The following SLCO5A1 variants were observed in gnomAD, a reference collection of about 807,000 sequenced individuals.
SLCO5A1 encodes the protein organic anion transporter polypeptide-related protein 4.
SLCO5A1 carries 39 observed loss-of-function variants against 65.1 expected under a neutral mutation model. That is an observed-to-expected ratio of 0.60 (90% CI 0.46 to 0.78). The LOEUF (loss-of-function observed/expected upper bound fraction) is 0.78, where lower values mean the gene tolerates loss of function less well. Among genes scored for constraint, SLCO5A1 ranks in the 30% least tolerant of loss-of-function variants. SLCO5A1 has a pLI of 0.00. For synonymous variants in SLCO5A1, 438 were observed against 415.7 expected (o/e 1.05, Z -0.65); for missense variants, 1,029 against 1,069.4 (o/e 0.96, Z 0.53).
At position 69,832,047 on chromosome 8, in the gene SLCO5A1, T is replaced by A. The variant is rs563451398; in HGVS notation, c.627A>T (p.Ala209=). Residue 209 remains alanine, a synonymous_variant, in exon 2 of 10, where the codon GCA becomes GCT. Transcript: ENST00000260126. The surrounding 1 kb of genome is among the most constrained non-coding windows in gnomAD (Gnocchi z 4.5). ...TGAAGTGAGGTAAGGCGAAGAGGGC[T>A]GCCCCGAAGGCGATGAGGAGTCCAC... ...AVGGLLIAFG[A]ALFALPHFIS... 1.2e-6 allele frequency: 2 copies of A among 1,612,262 alleles called. No homozygotes were observed. The highest frequency in any genetic ancestry group is 1.7e-5 in the Admixed American group (1 of 59,834).
At chr8:69,716,857 G>A (rs866196264) in intron 5 of SLCO5A1, among the ~76,000 whole-genome samples, 1 of 150,274 alleles carries the variant, frequency 6.7e-6, no homozygotes. Context: ...ATGGCTCACT[G>A]TAGTCGCAAT....
At chr8:69,723,515 T>C (rs1162730638) in intron 5 of SLCO5A1, among the ~76,000 whole-genome samples, 1 of 151,684 alleles carries the variant, frequency 6.6e-6, no homozygotes, top group Non-Finnish European at 1.5e-5. Flanking sequence ...CCTCCCAAGG[T>C]GCTAGGATTA....
At chr8:69,803,529 C>CA (rs904156616) in intron 2 of SLCO5A1, among the ~76,000 whole-genome samples, 15 of 149,606 alleles carry the variant, frequency 1.0e-4, no homozygotes, top group South Asian at 6.4e-4. Context: ...CACTCTGTCT[C>CA]AAAAAAAAAC....
intron 7 of SLCO5A1, among the ~76,000 whole-genome samples, chr8:69,681,722 T>C (rs904440447): frequency 6.6e-6 from 1 of 152,160 alleles, no homozygotes; most frequent in Non-Finnish European, 1.5e-5. Flanking sequence ...CTTTGAAAGT[T>C]TTTTTTTAAG....
chr8:69,783,497 G>T (rs1818890185), intron 2 of SLCO5A1, among the ~76,000 whole-genome samples: 4 of 151,194 alleles, frequency 2.6e-5, no homozygotes, highest in Non-Finnish European at 5.9e-5. Flanking sequence ...TAAAAATTTT[G>T]AATTTTAATT....
At position 69,679,614 on chromosome 8, in the gene SLCO5A1, C is replaced by G; in HGVS notation, c.1788G>C (p.Arg596=). 1 of 1,614,034 alleles carries G rather than the reference C, an allele frequency of 6.2e-7. No homozygotes were observed. Among genetic ancestry groups the G allele is most frequent in the South Asian group, 1.1e-5 (1 of 91,072 alleles). Residue 596 remains arginine, a synonymous_variant, in exon 8 of 10, where the codon CGG becomes CGC. Coordinates refer to ENST00000260126, the MANE Select transcript of SLCO5A1 (RefSeq NM_030958.3). ...GGACACAGGTGCATTCTGTATAATT[C>G]CGTATCTAAGTGAGCAAAATAAAGA... ...VNSGNLSTGI[R]NYTECTCVQS...
chr8:69,794,688 CA>C (rs35551377), intron 2 of SLCO5A1: 4 of 312,250 alleles, frequency 1.3e-5, no homozygotes, highest in South Asian at 3.2e-5. Flanking sequence ...CTTTGTCCTT[CA>C]AAAAGGTGCA....
intron 9 of SLCO5A1, among the ~76,000 whole-genome samples, 167 bp from the exon 10 acceptor site, chr8:69,673,493 T>C (rs1813420892): frequency 6.6e-6 from 1 of 152,218 alleles, no homozygotes; most frequent in African/African-American, 2.4e-5. Context: ...TCACAATATA[T>C]TTATCATAAA....
At chr8:69,758,229 C>T (rs1278300700) in intron 3 of SLCO5A1, among the ~76,000 whole-genome samples, 2 of 152,126 alleles carry the variant, frequency 1.3e-5, no homozygotes, top group African/African-American at 4.8e-5. Context: ...CTCTGTCACC[C>T]AGGCTGGAGT....
chr8:69,706,591 T>C (rs1401894776), intron 5 of SLCO5A1, among the ~76,000 whole-genome samples: 2 of 152,172 alleles, frequency 1.3e-5, no homozygotes, highest in East Asian at 3.9e-4. Context: ...TGAAGTTACA[T>C]GGTGGGAGGT....
chr8:69,752,316 G>A (rs1361142786), intron 4 of SLCO5A1, among the ~76,000 whole-genome samples: 1 of 152,044 alleles, frequency 6.6e-6, no homozygotes, highest in Admixed American at 6.6e-5. Context: ...AAGGATCTGG[G>A]ACTCAAACTC....
chr8:69,703,954 A>G (rs1233504602), intron 6 of SLCO5A1, among the ~76,000 whole-genome samples: 2 of 152,216 alleles, frequency 1.3e-5, no homozygotes, highest in Admixed American at 6.5e-5. Context: ...TGTGTGACTT[A>G]GCACCTCCTC....
chr8:69,755,735 GA>G, intron 3 of SLCO5A1, 94 bp from the exon 4 acceptor site: 1 of 1,152,204 alleles, frequency 8.7e-7, no homozygotes, highest in South Asian at 1.6e-5. Context: ...AAAAAATTTT[GA>G]AGAAAACTTT....
intron 2 of SLCO5A1, among the ~76,000 whole-genome samples, chr8:69,804,240 T>G (rs1181076394): frequency 6.6e-6 from 1 of 152,214 alleles, no homozygotes; most frequent in Non-Finnish European, 1.5e-5. Context: ...CAAGACATTT[T>G]TGCTAAAATC....
chr8:69,777,276 T>A (rs559207850), intron 2 of SLCO5A1, among the ~76,000 whole-genome samples: 1 of 152,092 alleles, frequency 6.6e-6, no homozygotes, highest in Non-Finnish European at 1.5e-5. Context: ...AATAATTATG[T>A]TGAGTGAAAG....
At chr8:69,765,583 G>T (rs1457735284) in intron 2 of SLCO5A1, among the ~76,000 whole-genome samples, 1 of 152,140 alleles carries the variant, frequency 6.6e-6, no homozygotes, top group Non-Finnish European at 1.5e-5. Flanking sequence ...GAAGTAAATT[G>T]TTGAAGCAAA....
chr8:69,670,542 CTG>C lies in SLCO5A1; in HGVS notation c.*2325_*2326del, dbSNP rs1171144872. On this transcript the variant is annotated 3_prime_UTR_variant, in exon 10 of 10. Transcript: ENST00000260126. Reference sequence around the variant, plus strand: ...TACTTGAGGAAGTACAATATTAACACTGTGGTGCACATTTCAGGCCCATTTCT... The same window carrying C: ...TACTTGAGGAAGTACAATATTAACACTGGTGCACATTTCAGGCCCATTTCT... The C allele has an allele frequency of 1.3e-5, 2 of 152,196 alleles. No homozygotes were observed. Among genetic ancestry groups the C allele is most frequent in the African/African-American group, 2.4e-5 (1 of 41,452 alleles). 9.4% of individuals were successfully genotyped at this position (152,196 alleles called of 1,614,324 possible).
chr8:69,729,369 G>A (rs1816230518), intron 5 of SLCO5A1, among the ~76,000 whole-genome samples: 1 of 148,488 alleles, frequency 6.7e-6, no homozygotes, highest in African/African-American at 2.5e-5. Context: ...GCATCAACCC[G>A]GGAGGCGGAA....
chr8:69,787,646 A>G (rs559790022), intron 2 of SLCO5A1, among the ~76,000 whole-genome samples: 1 of 152,362 alleles, frequency 6.6e-6, no homozygotes, highest in South Asian at 2.1e-4. Context: ...TATTCACACT[A>G]AGTATGATTT....
Sources: gnomAD v4.1 joint callset for allele counts (sites outside exome capture counted in the v4.1 genomes callset) on GRCh38, gnomAD v4.1.1 for gene constraint, Gnocchi (gnomAD v3.1) non-coding constraint, MANE v1.5 for transcripts, NCBI Gene and HGNC (gene_info 2026-07-23, HGNC 2026-07-21) for gene names.